EML1: variants seen among roughly 807,000 people sequenced by gnomAD.
EML1 encodes EMAP like 1, also known as echinoderm microtubule-associated protein-like 1.
Under a neutral mutation model 110.4 loss-of-function variants are expected in EML1, and 27 were observed. That is an observed-to-expected ratio of 0.24 (90% confidence interval 0.18 to 0.34). EML1 has a LOEUF of 0.34. EML1 is among the 10% of genes least tolerant of loss of function. The pLI, the probability that EML1 is intolerant of heterozygous loss-of-function variation, is 1.00. For synonymous variants in EML1, 344 were observed against 385.8 expected, an observed-to-expected ratio of 0.89 and a Z score of 1.27; for missense variants, 741 against 1,030.9, an observed-to-expected ratio of 0.72 and a Z score of 3.85.
At chr14:99,818,638 G>A (rs1336660916) in intron 1 of EML1, among the ~76,000 whole-genome samples, 1 of 152,202 alleles carries the variant, frequency 6.6e-6, no homozygotes, top group African/African-American at 2.4e-5. Context: ...TCCAGAAGGA[G>A]TCAGAGCTGG....
intron 6 of EML1, 101 bp downstream of exon 6, chr14:99,894,859 T>C (rs961870032): frequency 1.4e-6 from 2 of 1,392,484 alleles, no homozygotes; most frequent in African/African-American, 2.9e-5. Flanking sequence ...TCTTAAGCTT[T>C]TAAAAAACAA....
At chr14:99,748,511 G>C (rs1026548475) in intron 1 of EML1, among the ~76,000 whole-genome samples, 9 of 151,648 alleles carry the variant, frequency 5.9e-5, no homozygotes, top group Non-Finnish European at 8.8e-5. Flanking sequence ...ACTCACACCT[G>C]CAATCCCAGC....
chr14:99,851,524 G>A lies in EML1; in HGVS notation c.250+489G>A, dbSNP rs201128555. Among the ~76,000 whole-genome samples the A allele has an allele frequency of 1.1e-4, 16 of 152,094 alleles. No homozygotes were observed. In the East Asian group the frequency reaches 3.1e-3, roughly 30 times the overall value. On this transcript the variant is annotated intron_variant, in intron 2 of 21. Coordinates refer to ENST00000262233, the MANE Select transcript of EML1 (RefSeq NM_004434.3). ...GAGTTTCACCGTGTTAGCCAGGATG[G>A]TCTCGATCTCCTGACCTCGTGATCC...
intron 1 of EML1, among the ~76,000 whole-genome samples, chr14:99,799,260 A>G (rs1233268600): frequency 6.6e-6 from 1 of 152,222 alleles, no homozygotes; most frequent in Non-Finnish European, 1.5e-5. Context: ...ATTTCTAAAC[A>G]TTTATATTTT....
At chr14:99,765,497 T>G (rs2057358782) in intron 1 of EML1, among the ~76,000 whole-genome samples, 1 of 152,214 alleles carries the variant, frequency 6.6e-6, no homozygotes, top group South Asian at 2.1e-4. Flanking sequence ...TATTTCCGGT[T>G]TATTTCATTT....
intron 1 of EML1, among the ~76,000 whole-genome samples, chr14:99,756,616 C>A (rs1021028463): frequency 3.3e-5 from 5 of 152,208 alleles, no homozygotes; most frequent in Admixed American, 2.6e-4. Context: ...CAATTTCTAG[C>A]ACCTAAAACC....
intron 4 of EML1, among the ~76,000 whole-genome samples, chr14:99,881,013 C>A (rs147100866): frequency 6.6e-6 from 1 of 152,090 alleles, no homozygotes; most frequent in Non-Finnish European, 1.5e-5. Flanking sequence ...TGTCACAATC[C>A]GCGTTGCACT....
rs1393073232 is a variant in EML1, at chr14:99,941,045, A to T, written c.*933A>T. 1 of 152,304 alleles carries T rather than the reference A, an allele frequency of 6.6e-6. No homozygotes were observed. Among genetic ancestry groups the T allele is most frequent in the East Asian group, 1.9e-4 (1 of 5,188 alleles). The allele number at this position is 152,304 out of a possible 1,614,324, so 9.4% of individuals were successfully genotyped here. ...AGTCAGAAAGATCTCTCTCGAGCGT[A>T]CCATAAACCTGCAGAGAGAAGTCTC... is the stretch of plus-strand genomic sequence containing the variant. On this transcript the variant is annotated 3_prime_UTR_variant, in exon 22 of 22. Coordinates refer to ENST00000262233, the MANE Select transcript of EML1 (RefSeq NM_004434.3).
At position 99,894,773 on chromosome 14, in the gene EML1, T is replaced by C. The variant is rs771907467; in HGVS notation, c.677+15T>C. On this transcript the variant is annotated intron_variant, in intron 6 of 21. Transcript: ENST00000262233. ...CTGGAATGGGTGTATCCTTTATTCA[T>C]TGATTAGGTCTCACATGAAGTTATC... is the stretch of plus-strand genomic sequence containing the variant. 7.2e-5 allele frequency: 116 copies of C among 1,604,330 alleles called. 1 individual carries two copies. In the Middle Eastern group the frequency reaches 1.5e-3, roughly 21 times the overall value.
chr14:99,884,255 T>A (rs2059437026), intron 4 of EML1, among the ~76,000 whole-genome samples: 1 of 152,196 alleles, frequency 6.6e-6, no homozygotes, highest in Non-Finnish European at 1.5e-5. Context: ...CAGGGCTTTT[T>A]TTCTTGGGGA....
At chr14:99,857,842 A>G (rs1209823739) in intron 2 of EML1, among the ~76,000 whole-genome samples, 3 of 152,210 alleles carry the variant, frequency 2.0e-5, no homozygotes, top group African/African-American at 4.8e-5. Flanking sequence ...TTAATAAATT[A>G]CTTTATGAAA....
At chr14:99,766,072 G>A (rs909070576) in intron 1 of EML1, among the ~76,000 whole-genome samples, 24 of 151,950 alleles carry the variant, frequency 1.6e-4, no homozygotes, top group African/African-American at 5.3e-4. Flanking sequence ...ACCTTTTGTC[G>A]ATTGTGAATG....
intron 17 of EML1, among the ~76,000 whole-genome samples, chr14:99,928,243 T>A (rs866062234): frequency 3.7e-5 from 5 of 136,528 alleles, no homozygotes; most frequent in African/African-American, 1.4e-4. Flanking sequence ...GTGGTGGTGG[T>A]GGTGGGTAGT....
At chr14:99,742,823 G>A (rs1738805274) in intron 1 of EML1, among the ~76,000 whole-genome samples, 1 of 152,148 alleles carries the variant, frequency 6.6e-6, no homozygotes, top group Non-Finnish European at 1.5e-5. Flanking sequence ...CATAAGCTCA[G>A]GGGTGTCATG....
chr14:99,762,893 G>A (rs7145539), intron 1 of EML1, among the ~76,000 whole-genome samples: 41,107 of 152,058 alleles, frequency 0.27, 6,434 homozygotes, highest in African/African-American at 0.44. Context: ...GCCATTCTAG[G>A]AAACTGATAT....
chr14:99,919,257 G>A (rs1360539759), intron 16 of EML1, among the ~76,000 whole-genome samples: 4 of 152,092 alleles, frequency 2.6e-5, no homozygotes, highest in South Asian at 2.1e-4. Context: ...CTAAAAAAGC[G>A]TAGCACTTAA....
intron 5 of EML1, 130 bp downstream of exon 5, chr14:99,891,357 A>G: frequency 8.6e-7 from 1 of 1,156,716 alleles, no homozygotes; most frequent in Non-Finnish European, 1.3e-6. Context: ...GCAGGCCCAG[A>G]TGGAGCTTTG....
Position 99,914,296 on chromosome 14 carries a change from A to G in EML1, c.1612A>G (p.Ile538Val), listed in dbSNP as rs1224354031. The G allele has an allele frequency of 5.6e-6, 9 of 1,611,554 alleles. No homozygotes were observed. The highest frequency in any genetic ancestry group is 7.6e-6 in the Non-Finnish European group (9 of 1,177,996). ...QGTLSGDFTP[I>V]TQGHTDELWG... is the part of the protein sequence containing the mutation. The stretch of plus-strand genomic sequence containing the variant: ...CACTCTGTCAGGGGACTTCACACCC[A>G]TTACTCAGGTACGATCCCACTCAGC... The change falls in exon 14 of 22, where the codon ATT (isoleucine) becomes GTT (valine). Residue 538 changes from isoleucine (I) to valine (V), a missense_variant. Ile to Val is a conservative substitution (Grantham distance 29). This residue lies in a region of EML1 where 388 missense variants were observed against 605.6 expected (regional missense o/e 0.64). Coordinates refer to ENST00000262233, the MANE Select transcript of EML1 (RefSeq NM_004434.3).
exon 1 of EML1, chr14:99,773,952 G>A (rs978001647): frequency 1.3e-5 from 2 of 152,294 alleles, no homozygotes; most frequent in African/African-American, 4.8e-5. Flanking sequence ...TTGGAGGAGG[G>A]GCGGCTGGGC....
Sources: allele counts gnomAD v4.1 joint callset (sites outside exome capture counted in the v4.1 genomes callset), GRCh38; gene constraint gnomAD v4.1.1; regional missense constraint gnomAD v4.1.1; transcripts MANE v1.5; gene names NCBI Gene and HGNC (gene_info 2026-07-23, HGNC 2026-07-21).